SUCLG1: variants seen among roughly 807,000 people sequenced by gnomAD.
SUCLG1 encodes succinate-CoA ligase GDP/ADP-forming subunit alpha.
In SUCLG1, 26 loss-of-function variants were observed where a neutral mutation model predicts 37.3. The observed-to-expected ratio is 0.70, with a 90% CI of 0.51 to 0.97. The LOEUF is 0.97. Ranked by LOEUF, SUCLG1 falls within the 50% of genes least tolerant of loss-of-function variation. The pLI, the probability that SUCLG1 is intolerant of heterozygous loss-of-function variation, is 0.00. For synonymous variants in SUCLG1, 163 were observed against 155.6 expected (o/e 1.05, Z -0.36); for missense variants, 433 against 432.9 (o/e 1.00, Z 0.00).
At chr2:84,457,726 C>G (rs1673044455) in intron 1 of SUCLG1, among the ~76,000 whole-genome samples, 1 of 152,166 alleles carries the variant, frequency 6.6e-6, no homozygotes, top group African/African-American at 2.4e-5. Context: ...AACCCACTAT[C>G]TATTCAAATT....
In SUCLG1 at chr2:84,425,440, G is replaced by T. The variant is rs753403267; in HGVS notation, c.989C>A (p.Ala330Glu). 3 of 1,614,134 alleles carry T rather than the reference G, an allele frequency of 1.9e-6. No individual in the cohort carries two copies. The highest frequency in any genetic ancestry group is 2.5e-6 in the Non-Finnish European group (3 of 1,180,024). ...SAGVVVSMSP[A>E]QLGTTIYKEF... ...CTTGTAGATCGTGGTTCCCAGCTGT[G>T]CAGGAGACATACTGACCACAACTCC... The change falls in exon 8 of 9, where the codon GCA becomes GAA. Residue 330 changes from alanine (A) to glutamate (E), a missense_variant. Coordinates refer to ENST00000393868, the MANE Select transcript of SUCLG1 (RefSeq NM_003849.4).
At chr2:84,447,023 C>A (rs368079158) in intron 2 of SUCLG1, among the ~76,000 whole-genome samples, 87 of 152,254 alleles carry the variant, frequency 5.7e-4, no homozygotes, top group African/African-American at 1.8e-3. Flanking sequence ...TCATCACCAG[C>A]CAGTACAATG....
At chr2:84,429,051 A>C (rs1672577398) in intron 7 of SUCLG1, among the ~76,000 whole-genome samples, 1 of 152,258 alleles carries the variant, frequency 6.6e-6, no homozygotes, top group Non-Finnish European at 1.5e-5. Context: ...AATAATTATC[A>C]TCATTGTAAT....
rs1672489386 is a variant in SUCLG1, at chr2:84,423,620, C to T, written c.*126G>A. ...GACATCTTCCACCTTGTTTTGGCTT[C>T]CAGTTGTACTGCAAGACCAGTGTCA... On this transcript the variant is annotated 3_prime_UTR_variant, in exon 9 of 9. Coordinates refer to ENST00000393868, the MANE Select transcript of SUCLG1 (RefSeq NM_003849.4). 2.9e-5 allele frequency: 27 copies of T among 944,198 alleles called. No homozygotes were observed. The South Asian group carries it at 3.8e-4, about 13-fold the overall frequency. 58.5% of individuals were successfully genotyped at this position (944,198 alleles called of 1,614,324 possible).
intron 1 of SUCLG1, among the ~76,000 whole-genome samples, chr2:84,454,659 A>G (rs575715069): frequency 6.6e-6 from 1 of 152,244 alleles, no homozygotes; most frequent in Non-Finnish European, 1.5e-5. Flanking sequence ...AAACTGTAAT[A>G]AAGACAATGA....
Position 84,441,335 on chromosome 2 carries a change from G to A in SUCLG1, c.443C>T (p.Pro148Leu), listed in dbSNP as rs1331661730. The part of the protein sequence containing the change: ...PLVVCITEGI[P>L]QQDMVRVKHK... ...CTTGACTCGTACCATGTCCTGCTGGGGAATTCCTTCAGTGATACACACAAC... is the reference window on the plus strand; with the variant it reads ...CTTGACTCGTACCATGTCCTGCTGGAGAATTCCTTCAGTGATACACACAAC... The change falls in exon 4 of 9, where the codon CCC becomes CTC. Residue 148 changes from proline (P) to leucine (L), a missense_variant. Pro to Leu is a moderately conservative substitution (Grantham distance 98, BLOSUM62 -3). Transcript: ENST00000393868. The A allele has an allele frequency of 6.2e-7, 1 of 1,613,988 alleles. No individual in the cohort carries two copies. The highest frequency in any genetic ancestry group is 1.1e-5 in the South Asian group (1 of 91,068).
At chr2:84,437,784 T>C (rs915787918) in intron 5 of SUCLG1, among the ~76,000 whole-genome samples, 1 of 152,204 alleles carries the variant, frequency 6.6e-6, no homozygotes, top group African/African-American at 2.4e-5. Context: ...GCAGCTGTAA[T>C]TGTAATAGGC....
intron 2 of SUCLG1, among the ~76,000 whole-genome samples, chr2:84,443,609 C>A (rs1672806916): frequency 6.6e-6 from 1 of 152,186 alleles, no homozygotes; most frequent in Admixed American, 6.5e-5. Flanking sequence ...CTCTTTGATT[C>A]CCTGTTTTCA....
chr2:84,432,056 T>C (rs997526213), intron 6 of SUCLG1, among the ~76,000 whole-genome samples: 2 of 152,176 alleles, frequency 1.3e-5, no homozygotes, highest in African/African-American at 4.8e-5. Flanking sequence ...AGAATAAACA[T>C]TTAACAAATT....
At chr2:84,438,601 G>A (rs1036737718) in intron 5 of SUCLG1, among the ~76,000 whole-genome samples, 7 of 152,116 alleles carry the variant, frequency 4.6e-5, no homozygotes, top group Admixed American at 4.6e-4. Context: ...AGGCTATTGA[G>A]ACTATTAGCA....
chr2:84,451,953 C>G lies in SUCLG1; in HGVS notation c.98-2201G>C, dbSNP rs112908489. ...AGGAAGTGAAATTCCTGATCACATT[C>G]CATCCTGACAATAAACCTGTATGAT... On this transcript the variant is annotated intron_variant, in intron 1 of 8. Transcript: ENST00000393868. Among the ~76,000 whole-genome samples, 947 of 152,218 alleles carry G rather than the reference C, an allele frequency of 6.2e-3. 8 individuals carry two copies. The highest frequency in any genetic ancestry group is 0.021 in the African/African-American group (891 of 41,520).
At chr2:84,452,587 A>ACTGT (rs1672956914) in intron 1 of SUCLG1, among the ~76,000 whole-genome samples, 1 of 152,238 alleles carries the variant, frequency 6.6e-6, no homozygotes, top group African/African-American at 2.4e-5. Flanking sequence ...GTGGGTATAC[A>ACTGT]ATAAACACCA....
rs6756343 is a variant in SUCLG1 at position 84,423,695 on chromosome 2, G to A, written c.*51C>T. On this transcript the variant is annotated 3_prime_UTR_variant, in exon 9 of 9. Transcript: ENST00000393868. Reference sequence around the variant, plus strand: ...GACAACAGAAGCAAACTGCTGCTGGGTTACATGTCTACGTGATCCATTCCA... The same window carrying A: ...GACAACAGAAGCAAACTGCTGCTGGATTACATGTCTACGTGATCCATTCCA... The A allele has an allele frequency of 1.3e-4, 209 of 1,557,708 alleles. 2 individuals carry two copies. In the African/African-American group the frequency reaches 2.4e-3, roughly 18 times the overall value.
intron 7 of SUCLG1, among the ~76,000 whole-genome samples, chr2:84,429,839 A>AG (rs895899707): frequency 6.6e-6 from 1 of 152,108 alleles, no homozygotes. Context: ...CTAAGAGTAA[A>AG]GGGGGGTGGT....
chr2:84,449,783 A>AAT, intron 1 of SUCLG1, 31 bp from the exon 2 acceptor site: 1 of 1,269,952 alleles, frequency 7.9e-7, no homozygotes, highest in Non-Finnish European at 1.1e-6. Context: ...AAAAAAAAAA[A>AAT]AAAAGACACA....
Position 84,423,582 on chromosome 2 carries a change from C to T in SUCLG1, c.*164G>A, listed in dbSNP as rs957266146. On this transcript the variant is annotated 3_prime_UTR_variant, in exon 9 of 9. Transcript: ENST00000393868. ...TCTCTGTAATACAATGTGGTGAAAA[C>T]ATCTTAATTCAGGACATCTTCCACC... 13 of 702,740 alleles carry T rather than the reference C, an allele frequency of 1.8e-5. No individual in the cohort carries two copies. Among genetic ancestry groups the T allele is most frequent in the East Asian group, 1.6e-4 (6 of 36,804 alleles). 43.5% of individuals were successfully genotyped at this position (702,740 alleles called of 1,614,324 possible). A position where few individuals can be genotyped will look rare whatever the true frequency, so the allele number is the denominator to read the frequency against.
At chr2:84,429,617 T>C (rs530340655) in intron 7 of SUCLG1, among the ~76,000 whole-genome samples, 1 of 152,152 alleles carries the variant, frequency 6.6e-6, no homozygotes, top group East Asian at 1.9e-4. Context: ...CAAGTGAGAA[T>C]GAAAACTGGC....
Position 84,459,246 on chromosome 2 carries a change from G to T in SUCLG1, c.24C>A (p.Ala8=), listed in dbSNP as rs1000084551. ...CGGAGACCATGGTAGCGATGTCAGCGGCAGCGGCAAGGGTTGCGGTCATAC... is the reference window on the plus strand; with the variant it reads ...CGGAGACCATGGTAGCGATGTCAGCTGCAGCGGCAAGGGTTGCGGTCATAC... MTATLAA[A]ADIATMVSGS... The change falls in exon 1 of 9, where the codon GCC becomes GCA. Residue 8 remains alanine (A), a synonymous_variant. Coordinates refer to ENST00000393868, the MANE Select transcript of SUCLG1 (RefSeq NM_003849.4). The T allele has an allele frequency of 4.6e-5, 72 of 1,550,588 alleles. No individual in the cohort carries two copies. Among genetic ancestry groups the T allele is most frequent in the East Asian group, 1.5e-4 (6 of 40,902 alleles).
chr2:84,428,865 T>C (rs1437241340), intron 7 of SUCLG1, among the ~76,000 whole-genome samples: 2 of 152,212 alleles, frequency 1.3e-5, no homozygotes, highest in Non-Finnish European at 1.5e-5. Flanking sequence ...CATCCTTCCA[T>C]GGTGAAATGG....
Sources: allele counts gnomAD v4.1 joint callset (sites outside exome capture counted in the v4.1 genomes callset), GRCh38; gene constraint gnomAD v4.1.1; transcripts MANE v1.5; gene names NCBI Gene and HGNC (gene_info 2026-07-23, HGNC 2026-07-21).